Variants in STMN4 observed in about 807,000 individuals in gnomAD.
The protein encoded by STMN4 is stathmin-4.
Under a neutral mutation model 29.1 loss-of-function variants are expected in STMN4, and 12 were observed. That is an observed-to-expected ratio of 0.41 (90% confidence interval 0.26 to 0.67). STMN4 has a LOEUF of 0.67. Ranked by LOEUF, STMN4 falls within the 30% of genes least tolerant of loss-of-function variation. STMN4 has a pLI of 0.30. For synonymous variants in STMN4, 114 were observed against 105.3 expected, an observed-to-expected ratio of 1.08 and a Z score of -0.51; for missense variants, 181 against 262.8, an observed-to-expected ratio of 0.69 and a Z score of 2.15.
Position 27,246,447 on chromosome 8 carries a change from G to A in STMN4, c.-78-2646C>T, listed in dbSNP as rs77370313. 4.7e-4 allele frequency among the ~76,000 whole-genome samples: 72 copies of A among 152,288 alleles called. 1 individual carries two copies. The East Asian group carries it at 0.014, about 29-fold the overall frequency. ...TCCCCATTTTATAGAGAATGAAATC[G>A]AGGCTCAGGGAAGCTAAGTGCCTTT... On this transcript the variant is annotated intron_variant, in intron 1 of 6. Transcript: ENST00000350889.
At chr8:27,241,429 C>T (rs566382102) in intron 4 of STMN4, among the ~76,000 whole-genome samples, 167 bp from the exon 5 acceptor site, 2 of 152,318 alleles carry the variant, frequency 1.3e-5, no homozygotes, top group African/African-American at 4.8e-5. Context: ...TGGCCTCTGA[C>T]GGGGCTGAAG....
At chr8:27,252,468 T>A (rs1016039251) in intron 1 of STMN4, among the ~76,000 whole-genome samples, 3 of 152,106 alleles carry the variant, frequency 2.0e-5, no homozygotes, top group Non-Finnish European at 1.5e-5. Context: ...AAAAATTTTT[T>A]AAGGTAGAGA....
At chr8:27,241,511 C>T (rs1801471552) in intron 4 of STMN4, among the ~76,000 whole-genome samples, 166 bp downstream of exon 4, 1 of 152,220 alleles carries the variant, frequency 6.6e-6, no homozygotes, top group Non-Finnish European at 1.5e-5. Flanking sequence ...TCCTACGACA[C>T]TGGCTGCTTT....
intron 1 of STMN4, among the ~76,000 whole-genome samples, chr8:27,253,129 AGAG>A (rs1357856831): frequency 2.6e-5 from 4 of 152,192 alleles, no homozygotes; most frequent in African/African-American, 9.7e-5. Flanking sequence ...ACCTCTTTTC[AGAG>A]GAGGAGACAA....
chr8:27,250,271 C>T (rs1156834169), intron 1 of STMN4, among the ~76,000 whole-genome samples: 1 of 152,198 alleles, frequency 6.6e-6, no homozygotes, highest in African/African-American at 2.4e-5. Context: ...GATCAAAAGG[C>T]TCTGATTGGC....
At chr8:27,245,434 G>A (rs1801597750) in intron 1 of STMN4, among the ~76,000 whole-genome samples, 1 of 152,240 alleles carries the variant, frequency 6.6e-6, no homozygotes, top group African/African-American at 2.4e-5. Context: ...GGTCCAGCTG[G>A]ACTTAAACTG....
intron 6 of STMN4, chr8:27,239,240 A>G (rs1801395754): frequency 1.3e-6 from 2 of 1,535,624 alleles, no homozygotes; most frequent in East Asian, 2.4e-5. Context: ...GGACGAGGCC[A>G]CCGATCAGGT....
intron 1 of STMN4, among the ~76,000 whole-genome samples, chr8:27,250,411 A>G (rs1351816808): frequency 1.3e-5 from 2 of 152,264 alleles, no homozygotes; most frequent in East Asian, 1.9e-4. Context: ...AGATCCTAAA[A>G]TAACCACAGG....
intron 3 of STMN4, 30 bp downstream of exon 3, chr8:27,242,367 C>T: frequency 6.2e-7 from 1 of 1,612,172 alleles, no homozygotes; most frequent in Non-Finnish European, 8.5e-7. Context: ...CCCCCCCGCC[C>T]CTCACTTTCC....
chr8:27,255,744 G>T (rs76518447), intron 1 of STMN4, among the ~76,000 whole-genome samples: 9,369 of 152,178 alleles, frequency 0.062, 399 homozygotes, highest in Non-Finnish European at 0.09. Flanking sequence ...GGAAAAATGT[G>T]GTTAAAAATG....
intron 6 of STMN4, among the ~76,000 whole-genome samples, chr8:27,238,680 C>T (rs1019478773): frequency 2.0e-5 from 3 of 152,192 alleles, no homozygotes; most frequent in African/African-American, 7.2e-5. Context: ...GACTTGGAGC[C>T]AAAGATCTGG....
chr8:27,257,954 G>A (rs1801991248), intron 1 of STMN4, among the ~76,000 whole-genome samples: 1 of 152,206 alleles, frequency 6.6e-6, no homozygotes, highest in Admixed American at 6.5e-5. Context: ...AGGAAGAAAA[G>A]GTAAAAACAC....
At chr8:27,255,041 G>A (rs1216391749) in intron 1 of STMN4, among the ~76,000 whole-genome samples, 1 of 151,948 alleles carries the variant, frequency 6.6e-6, no homozygotes, top group Non-Finnish European at 1.5e-5. Context: ...TCTTCCTAGA[G>A]GGACTAGAGA....
intron 1 of STMN4, among the ~76,000 whole-genome samples, chr8:27,245,591 C>T (rs552992475): frequency 1.1e-4 from 17 of 152,356 alleles, no homozygotes; most frequent in South Asian, 4.1e-4. Context: ...TGCCTGCATG[C>T]GACTTCCCTG....
chr8:27,251,356 CA>C (rs1228083510), intron 1 of STMN4, among the ~76,000 whole-genome samples: 3 of 148,832 alleles, frequency 2.0e-5, no homozygotes, highest in African/African-American at 7.4e-5. Context: ...TATACATATG[CA>C]GAAGAATCAG....
intron 1 of STMN4, among the ~76,000 whole-genome samples, chr8:27,244,419 C>A (rs2130092369): frequency 6.6e-6 from 1 of 152,302 alleles, no homozygotes; most frequent in Non-Finnish European, 1.5e-5. Context: ...CATCACAGGG[C>A]CAGCCAGCAC....
intron 2 of STMN4, 26 bp from the exon 3 acceptor site, chr8:27,242,518 G>T: frequency 6.2e-7 from 1 of 1,611,032 alleles, no homozygotes; most frequent in Non-Finnish European, 8.5e-7. Context: ...GTCAGGTGAG[G>T]ATGGCGCCTC....
Position 27,241,255 on chromosome 8 carries a change from C to T in STMN4, c.198G>A (p.Thr66=). The change falls in exon 5 of 7, where the codon ACG becomes ACA. Residue 66 remains threonine (T), a synonymous_variant. Transcript: ENST00000350889. ...DWRERRAQAD[T]VDLNWCVISD... ...AAATGACGCACCAATTCAGGTCCAC[C>T]GTGTCTGCTACAGAGGGCAGAGAAG... 6.2e-7 allele frequency: 1 copy of T among 1,614,154 alleles called. No individual in the cohort carries two copies. Among genetic ancestry groups the T allele is most frequent in the Non-Finnish European group, 8.5e-7 (1 of 1,180,024 alleles).
At position 27,236,727 on chromosome 8, in the gene STMN4, G is replaced by C; in HGVS notation, c.*119C>G. 1 of 827,888 alleles carries C rather than the reference G, an allele frequency of 1.2e-6. No homozygotes were observed. The highest frequency in any genetic ancestry group is 2.3e-5 in the South Asian group (1 of 44,024). 51.3% of individuals were successfully genotyped at this position (827,888 alleles called of 1,614,324 possible). ...ACCAAAAGCAGAGGAAACGCCCCTT[G>C]GCCACCCCCCTCCCCCCAAACCCCA... On this transcript the variant is annotated 3_prime_UTR_variant, in exon 7 of 7. Transcript: ENST00000350889.
Sources: gnomAD v4.1 joint callset for allele counts (sites outside exome capture counted in the v4.1 genomes callset) on GRCh38, gnomAD v4.1.1 for gene constraint, MANE v1.5 for transcripts, NCBI Gene and HGNC (gene_info 2026-07-23, HGNC 2026-07-21) for gene names.